TTC1: variants seen among roughly 807,000 people sequenced by gnomAD.
The protein encoded by TTC1 is tetratricopeptide repeat domain 1, also known as tetratricopeptide repeat protein 1.
In TTC1, 31 loss-of-function variants were observed where a neutral mutation model predicts 37.6. The ratio of observed to expected loss-of-function variants is 0.82; its 90% CI spans 0.62 to 1.11. TTC1 has a LOEUF of 1.11. TTC1 is among the 50% of genes most tolerant of loss of function. The pLI is 0.00. For synonymous variants in TTC1, 127 were observed against 122.4 expected, an observed-to-expected ratio of 1.04 and a Z score of -0.25; for missense variants, 351 against 339.0, an observed-to-expected ratio of 1.04 and a Z score of -0.28.
chr5:160,023,129 G>A (rs749326991), intron 2 of TTC1, among the ~76,000 whole-genome samples: 8 of 151,930 alleles, frequency 5.3e-5, no homozygotes, highest in East Asian at 1.9e-4. Context: ...GGTGGTGTGC[G>A]CCTATAATCC....
chr5:160,021,159 C>G (rs534332549), intron 2 of TTC1, among the ~76,000 whole-genome samples: 2 of 152,094 alleles, frequency 1.3e-5, no homozygotes, highest in Admixed American at 6.5e-5. Flanking sequence ...CCATGCACAG[C>G]CTGAGAAGTG....
At chr5:160,031,909 T>G (rs1186796198) in intron 2 of TTC1, among the ~76,000 whole-genome samples, 1 of 152,136 alleles carries the variant, frequency 6.6e-6, no homozygotes, top group Non-Finnish European at 1.5e-5. Flanking sequence ...AAGGATTGCT[T>G]GAGTCCAGGA....
intron 2 of TTC1, chr5:160,024,020 C>T: frequency 7.1e-7 from 1 of 1,415,772 alleles, no homozygotes; most frequent in Non-Finnish European, 1.0e-6. Context: ...GCCTTTACAG[C>T]CACACTTCTT....
chr5:160,043,504 G>A (rs1027598677), intron 5 of TTC1, among the ~76,000 whole-genome samples: 8 of 152,124 alleles, frequency 5.3e-5, no homozygotes, highest in Non-Finnish European at 1.2e-4. Context: ...GGCTGAAGTG[G>A]ATCACCTGAG....
chr5:160,062,331 C>T (rs1187142406), intron 7 of TTC1, among the ~76,000 whole-genome samples: 4 of 152,208 alleles, frequency 2.6e-5, no homozygotes, highest in African/African-American at 9.6e-5. Flanking sequence ...CAAGCCATTG[C>T]TGCCTGAGGA....
chr5:160,029,949 C>A (rs938883385), intron 2 of TTC1, among the ~76,000 whole-genome samples: 1 of 152,152 alleles, frequency 6.6e-6, no homozygotes, highest in Admixed American at 6.5e-5. Context: ...TTGACAGGAG[C>A]CTCTTCTGCC....
intron 2 of TTC1, among the ~76,000 whole-genome samples, chr5:160,019,643 A>C (rs1438741841): frequency 7.5e-6 from 1 of 132,774 alleles, no homozygotes; most frequent in Non-Finnish European, 1.5e-5. Context: ...GCTGGAGTGC[A>C]GCGGTGCGAT....
Position 160,065,033 on chromosome 5 carries a change from A to G in TTC1, c.847A>G (p.Asn283Asp). The G allele has an allele frequency of 6.2e-7, 1 of 1,612,254 alleles. No homozygotes were observed. The highest frequency in any genetic ancestry group is 8.5e-7 in the Non-Finnish European group (1 of 1,179,722). ...QDSSTGSYSINFVQNPNNNR is the reference protein window; with the variant it reads ...QDSSTGSYSIDFVQNPNNNR ...TTCCTCTACCGGCTCGTACTCCATC[A>G]ATTTCGTTCAAAATCCAAATAATAA... Residue 283 changes from asparagine (N) to aspartate (D), a missense_variant, in exon 8 of 8, where the codon AAT becomes GAT. By Grantham distance (23) the Asn-to-Asp change is conservative. Transcript: ENST00000231238.
intron 7 of TTC1, 44 bp from the exon 8 acceptor site, chr5:160,064,888 T>G: frequency 6.3e-7 from 1 of 1,582,834 alleles, no homozygotes. Flanking sequence ...TTCCTGCTTC[T>G]GTTCATTCCT....
At chr5:160,025,771 T>C (rs1013624986) in intron 2 of TTC1, among the ~76,000 whole-genome samples, 2 of 152,170 alleles carry the variant, frequency 1.3e-5, no homozygotes, top group Admixed American at 1.3e-4. Context: ...TGCTTTGCTT[T>C]GCTTTGTTTT....
At chr5:160,017,759 A>T (rs1756632879) in intron 2 of TTC1, among the ~76,000 whole-genome samples, 1 of 152,222 alleles carries the variant, frequency 6.6e-6, no homozygotes, top group Non-Finnish European at 1.5e-5. Flanking sequence ...CCTTCATTAA[A>T]TAGCTGTTGA....
intron 2 of TTC1, chr5:160,023,597 G>A: frequency 1.5e-6 from 1 of 659,744 alleles, no homozygotes; most frequent in South Asian, 2.1e-5. Context: ...TTTATTTTAG[G>A]TAGTTTCGTG....
intron 2 of TTC1, among the ~76,000 whole-genome samples, chr5:160,023,543 A>G (rs112677601): frequency 1.3e-5 from 2 of 152,118 alleles, no homozygotes; most frequent in African/African-American, 2.4e-5. Flanking sequence ...CTCTGTCAAG[A>G]AACTTATAAT....
intron 5 of TTC1, among the ~76,000 whole-genome samples, chr5:160,046,087 C>T (rs11749533): frequency 6.6e-6 from 1 of 152,104 alleles, no homozygotes; most frequent in Non-Finnish European, 1.5e-5. Flanking sequence ...CCAATATTCT[C>T]CTTCAATTGC....
intron 2 of TTC1, chr5:160,023,821 G>A: frequency 6.2e-7 from 1 of 1,613,616 alleles, no homozygotes; most frequent in African/African-American, 1.3e-5. Flanking sequence ...CATTCTCAGA[G>A]TCTGAGCTGT....
At chr5:160,049,042 C>G (rs1372117455) in intron 5 of TTC1, among the ~76,000 whole-genome samples, 1 of 152,194 alleles carries the variant, frequency 6.6e-6, no homozygotes, top group Non-Finnish European at 1.5e-5. Context: ...AGGCAAAAAC[C>G]AGGACTTGGA....
intron 6 of TTC1, among the ~76,000 whole-genome samples, chr5:160,050,304 G>T (rs1457799749): frequency 1.3e-5 from 2 of 151,934 alleles, no homozygotes; most frequent in Non-Finnish European, 2.9e-5. Flanking sequence ...AAAATTAGCT[G>T]GGTGTGGTGG....
chr5:160,049,539 C>T lies in TTC1; in HGVS notation c.567C>T (p.Ile189=), dbSNP rs534219902. 40 of 1,579,452 alleles carry T rather than the reference C, an allele frequency of 2.5e-5. 3 individuals are homozygous for T. In the South Asian group the frequency reaches 4.8e-4, roughly 19 times the overall value. ...SKAIQLNPSY[I]RAILRRAELY... ...CAATTCAATTAAACCCCAGCTATAT[C>T]AGGGCAATATTGAGGAGAGCAGAGT... The change falls in exon 6 of 8, where the codon ATC becomes ATT. Residue 189 remains isoleucine (I), a synonymous_variant. Transcript: ENST00000231238.
intron 5 of TTC1, among the ~76,000 whole-genome samples, chr5:160,048,984 G>T (rs763592925): frequency 5.3e-5 from 8 of 151,962 alleles, no homozygotes; most frequent in Non-Finnish European, 8.8e-5. Flanking sequence ...CTTTCACTGC[G>T]CACTTGAACT....
Sources: allele counts gnomAD v4.1 joint callset (sites outside exome capture counted in the v4.1 genomes callset), GRCh38; gene constraint gnomAD v4.1.1; transcripts MANE v1.5; gene names NCBI Gene and HGNC (gene_info 2026-07-23, HGNC 2026-07-21).